Variants in RBFOX1 observed in about 807,000 individuals in gnomAD.
RBFOX1 encodes the protein RNA binding fox-1 homolog 1, also known as RNA binding protein fox-1 homolog 1.
Under a neutral mutation model 57.7 loss-of-function variants are expected in RBFOX1, and 8 were observed. That is an observed-to-expected ratio of 0.14 (90% CI 0.08 to 0.25). The LOEUF (loss-of-function observed/expected upper bound fraction) is 0.25. RBFOX1 is among the 10% of genes least tolerant of loss of function. The pLI is 1.00. For synonymous variants in RBFOX1, 326 were observed against 222.4 expected, an observed-to-expected ratio of 1.47 and a Z score of -4.15; for missense variants, 611 against 548.5, an observed-to-expected ratio of 1.11 and a Z score of -1.14.
intron 1 of RBFOX1, among the ~76,000 whole-genome samples, chr16:5,358,139 G>A (rs1441787118): frequency 6.6e-6 from 1 of 151,990 alleles, no homozygotes; most frequent in African/African-American, 2.4e-5. Flanking sequence ...CTTGCTCCTG[G>A]TGGTTTGCTG....
At chr16:6,211,339 C>T (rs1174529544) in intron 1 of RBFOX1, among the ~76,000 whole-genome samples, 1 of 150,422 alleles carries the variant, frequency 6.6e-6, no homozygotes, top group Non-Finnish European at 1.5e-5. Flanking sequence ...TGCCATTCTT[C>T]TACCTCAGCC....
At chr16:5,450,876 G>T (rs1005796402) in intron 1 of RBFOX1, among the ~76,000 whole-genome samples, 6 of 152,186 alleles carry the variant, frequency 3.9e-5, no homozygotes, top group Admixed American at 6.5e-5. Flanking sequence ...AGGCTTTGGG[G>T]CAGTCCTGTG....
intron 3 of RBFOX1, among the ~76,000 whole-genome samples, chr16:6,687,275 G>C (rs909710749): frequency 1.3e-5 from 2 of 152,084 alleles, no homozygotes; most frequent in Non-Finnish European, 2.9e-5. Context: ...ATCGACTTTG[G>C]ATACTCAGAA....
chr16:7,174,551 C>T (rs2081294535), intron 4 of RBFOX1, among the ~76,000 whole-genome samples: 1 of 152,170 alleles, frequency 6.6e-6, no homozygotes, highest in Non-Finnish European at 1.5e-5. Flanking sequence ...GAGGCAGAGG[C>T]AGGCCAATCA....
At chr16:6,164,192 T>G (rs2096899330) in intron 1 of RBFOX1, among the ~76,000 whole-genome samples, 1 of 152,220 alleles carries the variant, frequency 6.6e-6, no homozygotes, top group Admixed American at 6.5e-5. Context: ...ATTGTTTACT[T>G]GGACATTAGT....
chr16:6,576,755 A>C (rs944222474), intron 2 of RBFOX1, among the ~76,000 whole-genome samples: 1 of 152,206 alleles, frequency 6.6e-6, no homozygotes, highest in Non-Finnish European at 1.5e-5. Flanking sequence ...TTAGGGATTT[A>C]TGCTAGATAA....
At chr16:7,051,990 G>C (rs932422399) in intron 3 of RBFOX1, 67 bp from the exon 4 acceptor site, 1 of 1,573,656 alleles carries the variant, frequency 6.4e-7, no homozygotes, top group Non-Finnish European at 8.6e-7. Context: ...GTAACTTTCT[G>C]TTTTCTTTCA....
chr16:6,612,188 T>G (rs1326838643), intron 2 of RBFOX1, among the ~76,000 whole-genome samples: 3 of 152,174 alleles, frequency 2.0e-5, no homozygotes, highest in Non-Finnish European at 4.4e-5. Flanking sequence ...TTGAAGGAAT[T>G]TTAGACTCAG....
chr16:5,765,602 G>A (rs538993337), intron 3 of RBFOX1, among the ~76,000 whole-genome samples: 1 of 152,200 alleles, frequency 6.6e-6, no homozygotes, highest in African/African-American at 2.4e-5. Context: ...TGTCCAGCAG[G>A]TGGCTGCTAT....
intron 9 of RBFOX1, among the ~76,000 whole-genome samples, chr16:7,598,650 T>A (rs1179622974): frequency 6.6e-6 from 1 of 152,172 alleles, no homozygotes; most frequent in East Asian, 1.9e-4. Context: ...CATGCCTATA[T>A]ATGTAGTAGG....
chr16:6,000,051 T>G (rs993287162), intron 4 of RBFOX1, among the ~76,000 whole-genome samples: 2 of 152,082 alleles, frequency 1.3e-5, no homozygotes, highest in African/African-American at 2.4e-5. Context: ...GTGGGATGAC[T>G]GTACCTTGCA....
At chr16:6,012,747 C>T (rs2094969101) in intron 4 of RBFOX1, among the ~76,000 whole-genome samples, 1 of 152,144 alleles carries the variant, frequency 6.6e-6, no homozygotes, top group Non-Finnish European at 1.5e-5. Flanking sequence ...TCTTCCCTGC[C>T]CTGCCATCTT....
At chr16:7,089,195 T>C (rs753901657) in intron 4 of RBFOX1, among the ~76,000 whole-genome samples, 13 of 152,334 alleles carry the variant, frequency 8.5e-5, no homozygotes, top group Non-Finnish European at 1.5e-4. Context: ...CAGAGTTTAT[T>C]ATTATTTTGT....
chr16:7,465,044 C>G (rs1159887650), intron 4 of RBFOX1, among the ~76,000 whole-genome samples: 1 of 151,966 alleles, frequency 6.6e-6, no homozygotes, highest in Non-Finnish European at 1.5e-5. Flanking sequence ...AGCATGTTAC[C>G]TCTTCCAGGG....
chr16:6,355,695 T>C (rs1194949677), intron 2 of RBFOX1, among the ~76,000 whole-genome samples: 2 of 152,232 alleles, frequency 1.3e-5, no homozygotes, highest in Non-Finnish European at 2.9e-5. Context: ...TTCTAGATAC[T>C]TGAGGAATCA....
At chr16:6,595,153 T>C (rs1600929646) in intron 2 of RBFOX1, among the ~76,000 whole-genome samples, 1 of 152,124 alleles carries the variant, frequency 6.6e-6, no homozygotes, top group Admixed American at 6.5e-5. Context: ...CATTCTAAAT[T>C]TAGCATATTT....
chr16:5,617,678 C>T (rs948152508), intron 3 of RBFOX1, among the ~76,000 whole-genome samples: 1 of 152,156 alleles, frequency 6.6e-6, no homozygotes, highest in Admixed American at 6.5e-5. Flanking sequence ...GAGGACTATA[C>T]CCTGGAAAGC....
chr16:6,545,878 G>A (rs1222614159), intron 2 of RBFOX1, among the ~76,000 whole-genome samples: 1 of 152,198 alleles, frequency 6.6e-6, no homozygotes, highest in African/African-American at 2.4e-5. Context: ...AATCCCAGGT[G>A]TCTGATGCCA....
intron 3 of RBFOX1, among the ~76,000 whole-genome samples, chr16:5,663,498 C>T (rs1596646610): frequency 6.6e-6 from 1 of 152,118 alleles, no homozygotes; most frequent in South Asian, 2.1e-4. Flanking sequence ...AGCTACCACA[C>T]CTGGCTGAAA....
Sources: allele counts gnomAD v4.1 joint callset (sites outside exome capture counted in the v4.1 genomes callset), GRCh38; gene constraint gnomAD v4.1.1; transcripts MANE v1.5; gene names NCBI Gene and HGNC (gene_info 2026-07-23, HGNC 2026-07-21).